REN: variants seen among roughly 807,000 people sequenced by gnomAD.
REN encodes angiotensin-forming enzyme.
In REN, 42 loss-of-function variants were observed where a neutral mutation model predicts 48.6. The observed-to-expected ratio is 0.86, with a 90% CI of 0.68 to 1.12. REN has a LOEUF of 1.12. Among genes scored for constraint, REN ranks in the 50% most tolerant of loss-of-function variants. REN has a pLI of 0.00. For synonymous variants in REN, 196 were observed against 204.6 expected, an observed-to-expected ratio of 0.96 and a Z score of 0.36; for missense variants, 443 against 527.3, an observed-to-expected ratio of 0.84 and a Z score of 1.57.
rs747881047 is a variant in REN, at chr1:204,156,751, G to T, written c.744C>A (p.Asp248Glu). 6.6e-5 allele frequency: 107 copies of T among 1,613,930 alleles called. No homozygotes were observed. The highest frequency in any genetic ancestry group is 8.2e-5 in the Non-Finnish European group (97 of 1,179,994). ...LGGQIVLGGS[D>E]PQHYEGNFHY... ...GGAAATTCCCTTCGTAATGCTGGGG[G>T]TCGCTGCCTCCCAGCACAATCTGTC... The change falls in exon 7 of 10, where the codon GAC (aspartate) becomes GAA (glutamate). Residue 248 changes from aspartate (D) to glutamate (E), a missense_variant. Asp to Glu is a conservative substitution (Grantham distance 45). Transcript: ENST00000272190. The surrounding 1 kb of genome is among the most constrained non-coding windows in gnomAD (Gnocchi z 4.2).
chr1:204,160,768 G>A, intron 3 of REN, 90 bp from the exon 4 acceptor site: 1 of 913,320 alleles, frequency 1.1e-6, no homozygotes, highest in South Asian at 1.3e-5. Context: ...TGGCTGGTTA[G>A]CTTAGGTGCA....
At chr1:204,155,648 G>C (rs1658133982) in intron 9 of REN, among the ~76,000 whole-genome samples, 172 bp downstream of exon 9, 1 of 152,130 alleles carries the variant, frequency 6.6e-6, no homozygotes, top group Non-Finnish European at 1.5e-5. Flanking sequence ...TGATTTAATA[G>C]GTATGGGATG....
chr1:204,157,479 G>A lies in REN; in HGVS notation c.690-110C>T. 2.0e-6 allele frequency: 3 copies of A among 1,497,716 alleles called. No individual in the cohort carries two copies. In the South Asian group the frequency reaches 3.4e-5, roughly 17 times the overall value. 92.8% of individuals were successfully genotyped at this position (1,497,716 alleles called of 1,614,324 possible). ...GTACTCTCTTTGCCCTTCAGGCAATGGAGTCACCAAGAGGCGAAGTCACTT... is the reference window on the plus strand; with the variant it reads ...GTACTCTCTTTGCCCTTCAGGCAATAGAGTCACCAAGAGGCGAAGTCACTT... On this transcript the variant is annotated intron_variant, in intron 5 of 9. Transcript: ENST00000272190.
rs750082768 is a variant in REN at position 204,159,581 on chromosome 1, C to T, written c.507G>A (p.Thr169=). The part of the protein sequence containing the change: ...SQDIITVGGI[T]VTQMFGEVTE... ...TGACCTCTCCAAACATCTGTGTCAC[C>T]GTGATTCCACCCACCTGTGGGAGGA... The change falls in exon 5 of 10, where the codon ACG becomes ACA. Residue 169 remains threonine (T), a synonymous_variant. Coordinates refer to ENST00000272190, the MANE Select transcript of REN (RefSeq NM_000537.4). The T allele has an allele frequency of 3.4e-5, 55 of 1,614,040 alleles. No individual in the cohort carries two copies. The highest frequency in any genetic ancestry group is 3.2e-4 in the South Asian group (29 of 91,084).
chr1:204,160,505 G>A lies in REN; in HGVS notation c.492+55C>T, dbSNP rs969266437. On this transcript the variant is annotated intron_variant, in intron 4 of 9. Transcript: ENST00000272190. ...AGGTGTGGGCCCTGGAGGGTCAGGA[G>A]AGGCCTGGGGACAGAAGGGGTCCGG... 71 of 1,196,118 alleles carry A rather than the reference G, an allele frequency of 5.9e-5. No homozygotes were observed. In the African/African-American group the frequency reaches 9.9e-4, roughly 17 times the overall value. 74.1% of individuals were successfully genotyped at this position (1,196,118 alleles called of 1,614,324 possible).
At chr1:204,157,896 T>C (rs570857677) in intron 5 of REN, among the ~76,000 whole-genome samples, 95 of 152,310 alleles carry the variant, frequency 6.2e-4, no homozygotes, top group African/African-American at 2.2e-3. Context: ...AGCCCTCTCC[T>C]CTGCAAAACC....
In REN at chr1:204,161,401, G is replaced by C. The variant is rs761373132; in HGVS notation, c.264C>G (p.Gly88=). 8.8e-5 allele frequency: 140 copies of C among 1,589,190 alleles called. No individual in the cohort carries two copies. Among genetic ancestry groups the C allele is most frequent in the Non-Finnish European group, 1.2e-4 (136 of 1,166,604 alleles). Residue 88 remains glycine, a synonymous_variant, in exon 3 of 10, where the codon GGC becomes GGG. Coordinates refer to ENST00000272190, the MANE Select transcript of REN (RefSeq NM_000537.4). ...GGGGTGGGGTGCCGATGCCAATCTC[G>C]CCATAGTACTGGGTCTGTGGGGGTA... ...LTNYMDTQYY[G]EIGIGTPPQT...
Position 204,166,204 on chromosome 1 carries a change from G to C in REN, c.90C>G (p.Thr30=). 1 of 1,613,892 alleles carries C rather than the reference G, an allele frequency of 6.2e-7. No homozygotes were observed. Among genetic ancestry groups the C allele is most frequent in the South Asian group, 1.1e-5 (1 of 91,072 alleles). Residue 30 remains threonine, a synonymous_variant, in exon 1 of 10, where the codon ACC becomes ACG. Transcript: ENST00000272190. ...CCTGAGTTACCAATTACCGTTTAAAGGTGGTGGTGTCTGTCGGGAGACCAA... is the reference window on the plus strand; with the variant it reads ...CCTGAGTTACCAATTACCGTTTAAACGTGGTGGTGTCTGTCGGGAGACCAA... The part of the protein sequence containing the change: ...CTFGLPTDTT[T]FKRIFLKRMP...
Position 204,156,391 on chromosome 1 carries a change from A to C in REN, c.819-72T>G, listed in dbSNP as rs1658151843. ...GGCTGATGGGGCACCTCCAGGCTGC[A>C]TGTCCTTCCTGAGTGTGGGTGGGTG... On this transcript the variant is annotated intron_variant, in intron 7 of 9. Transcript: ENST00000272190. This position sits in a 1 kb window ranked among gnomAD's most constrained non-coding sequence, Gnocchi z 4.2. 1.4e-6 allele frequency: 1 copy of C among 705,478 alleles called. No homozygotes were observed. The highest frequency in any genetic ancestry group is 2.4e-6 in the Non-Finnish European group (1 of 416,488). The allele number at this position is 705,478 out of a possible 1,614,324, so 43.7% of individuals were successfully genotyped here. A position where few individuals can be genotyped will look rare whatever the true frequency, so the allele number is the denominator to read the frequency against.
At chr1:204,155,424 T>C (rs1168879946) in intron 9 of REN, among the ~76,000 whole-genome samples, 1 of 152,218 alleles carries the variant, frequency 6.6e-6, no homozygotes, top group Non-Finnish European at 1.5e-5. Context: ...TTCAGGAGCT[T>C]ACAGTTTGCC....
intron 6 of REN, 138 bp downstream of exon 6, chr1:204,157,223 G>A (rs918964621): frequency 1.7e-6 from 2 of 1,171,818 alleles, no homozygotes; most frequent in Non-Finnish European, 2.6e-6. Flanking sequence ...GAGCAGGAAG[G>A]AGAGACAGAG....
intron 9 of REN, among the ~76,000 whole-genome samples, chr1:204,155,399 A>G (rs1658130588): frequency 6.6e-6 from 1 of 152,194 alleles, no homozygotes; most frequent in Admixed American, 6.5e-5. Context: ...ACAATGCATC[A>G]GGCACCGTGC....
chr1:204,157,339 T>C (rs1422680761), intron 6 of REN, 22 bp downstream of exon 6: 4 of 1,614,134 alleles, frequency 2.5e-6, no homozygotes, highest in Middle Eastern at 1.6e-4. Flanking sequence ...GTCACAGCCA[T>C]GTGGGGGTTT....
At chr1:204,161,096 TG>T (rs1658238227) in intron 3 of REN, among the ~76,000 whole-genome samples, 195 bp downstream of exon 3, 3 of 151,906 alleles carry the variant, frequency 2.0e-5, no homozygotes, top group African/African-American at 7.3e-5. Context: ...GACCTTTTTT[TG>T]TTTTTAACCT....
chr1:204,156,441 T>C lies in REN; in HGVS notation c.819-122A>G, dbSNP rs951382617. ...GGGTGGAGGCCACGCTGGTGGCCTG[T>C]TGAGGCAGTGAGTAGAGGAGGGAAG... On this transcript the variant is annotated intron_variant, in intron 7 of 9. Transcript: ENST00000272190. This position sits in a 1 kb window ranked among gnomAD's most constrained non-coding sequence, Gnocchi z 4.2. 80 of 1,442,302 alleles carry C rather than the reference T, an allele frequency of 5.5e-5. No homozygotes were observed. In the Admixed American group the frequency reaches 1.5e-3, roughly 27 times the overall value. The allele number at this position is 1,442,302 out of a possible 1,614,324, so 89.3% of individuals were successfully genotyped here.
intron 3 of REN, among the ~76,000 whole-genome samples, 159 bp from the exon 4 acceptor site, chr1:204,160,837 G>A (rs1406940632): frequency 6.6e-6 from 1 of 152,108 alleles, no homozygotes; most frequent in African/African-American, 2.4e-5. Flanking sequence ...ATCAAGGACT[G>A]GGTTTCTTGG....
Position 204,162,000 on chromosome 1 carries a change from G to C in REN, c.249+13C>G, listed in dbSNP as rs1658254354. On this transcript the variant is annotated intron_variant, in intron 2 of 9. Transcript: ENST00000272190. The stretch of plus-strand genomic sequence containing the variant: ...AGACAGGGAGGGAGCGAGGGGCTGA[G>C]CCAAGCACTCACGTCCATGTAGTTG... The C allele has an allele frequency of 6.2e-7, 1 of 1,613,930 alleles. No homozygotes were observed. The highest frequency in any genetic ancestry group is 1.3e-5 in the African/African-American group (1 of 74,934).
intron 1 of REN, among the ~76,000 whole-genome samples, chr1:204,165,205 G>C (rs979852980): frequency 1.3e-5 from 2 of 152,036 alleles, no homozygotes; most frequent in Admixed American, 6.6e-5. Context: ...TCCTGACCTC[G>C]GGTGATCTGC....
In REN at chr1:204,161,304, A is replaced by T; in HGVS notation, c.361T>A (p.Tyr121Asn). ...TCTTAGGTCTCACCACAGGCAGTGT[A>T]GAGACGGCTGCACTTGGAGGAGGGC... The part of the protein sequence containing the change: ...WVPSSKCSRL[Y>N]TACVYHKLFD... Residue 121 changes from tyrosine (Y) to asparagine (N), a missense_variant, in exon 3 of 10, where the codon TAC becomes AAC. Transcript: ENST00000272190. The T allele has an allele frequency of 6.2e-7, 1 of 1,607,526 alleles. No homozygotes were observed. Among genetic ancestry groups the T allele is most frequent in the South Asian group, 1.1e-5 (1 of 89,368 alleles).
Sources: gnomAD v4.1 joint callset for allele counts (sites outside exome capture counted in the v4.1 genomes callset) on GRCh38, gnomAD v4.1.1 for gene constraint, Gnocchi (gnomAD v3.1) non-coding constraint, MANE v1.5 for transcripts, NCBI Gene and HGNC (gene_info 2026-07-23, HGNC 2026-07-21) for gene names.